CEP63: variants seen among roughly 807,000 people sequenced by gnomAD.
CEP63 encodes centrosomal protein of 63 kDa.
In CEP63, 84 loss-of-function variants were observed where a neutral mutation model predicts 89.1. That is an observed-to-expected ratio of 0.94 (90% CI 0.79 to 1.13). CEP63 has a LOEUF of 1.13. CEP63 is among the 50% of genes most tolerant of loss of function. The pLI is 0.00. For synonymous variants in CEP63, 267 were observed against 272.5 expected (o/e 0.98, Z 0.20); for missense variants, 838 against 813.3 (o/e 1.03, Z -0.37).
intron 3 of CEP63, among the ~76,000 whole-genome samples, chr3:134,513,235 T>C (rs1347549210): frequency 6.6e-6 from 1 of 152,230 alleles, no homozygotes; most frequent in African/African-American, 2.4e-5. Context: ...ACCATATTTA[T>C]ATGTTTACAT....
chr3:134,633,974 A>C, the CEP63 span, among the ~76,000 whole-genome samples: 1 of 152,222 alleles, frequency 6.6e-6, no homozygotes, highest in Non-Finnish European at 1.5e-5. Flanking sequence ...AAGCAATTGG[A>C]GATGGCATTT....
chr3:134,689,446 TTA>T, the CEP63 span, among the ~76,000 whole-genome samples: 2 of 150,848 alleles, frequency 1.3e-5, no homozygotes, highest in African/African-American at 2.4e-5. Context: ...ACCTTATTTA[TTA>T]TTATTATTAT....
chr3:134,536,427 A>G (rs1950787992), intron 5 of CEP63: 1 of 153,136 alleles, frequency 6.5e-6, no homozygotes, highest in Non-Finnish European at 1.5e-5. Flanking sequence ...AGTGATAGAA[A>G]GATTGAGTTT....
At chr3:134,698,097 C>G in the CEP63 span, among the ~76,000 whole-genome samples, 1 of 152,230 alleles carries the variant, frequency 6.6e-6, no homozygotes, top group Admixed American at 6.5e-5. Context: ...GATACCCCGC[C>G]AACCTGACAC....
At chr3:134,526,434 C>T (rs187546738) in intron 3 of CEP63, among the ~76,000 whole-genome samples, 26 of 152,168 alleles carry the variant, frequency 1.7e-4, no homozygotes, top group African/African-American at 6.3e-4. Context: ...TTGTAGTGTG[C>T]TTTTCAGCTC....
At chr3:134,709,661 C>CAATTCTCATAA in the CEP63 span, among the ~76,000 whole-genome samples, 1 of 152,208 alleles carries the variant, frequency 6.6e-6, no homozygotes, top group Non-Finnish European at 1.5e-5. Flanking sequence ...CAGTGCAGCA[C>CAATTCTCATAA]TTGCTCATAA....
intron 4 of CEP63, 113 bp from the exon 5 acceptor site, chr3:134,532,665 A>G (rs923281470): frequency 5.4e-6 from 4 of 746,704 alleles, no homozygotes; most frequent in African/African-American, 5.3e-5. Flanking sequence ...GAAATCTAAC[A>G]TGTTCTCAGT....
the CEP63 span, chr3:134,619,282 G>A: frequency 1.3e-6 from 2 of 1,594,030 alleles, no homozygotes; most frequent in East Asian, 2.2e-5. Flanking sequence ...GGCAGGTGAG[G>A]GGATCATGAA....
chr3:134,653,531 A>G, the CEP63 span, among the ~76,000 whole-genome samples: 1 of 151,970 alleles, frequency 6.6e-6, no homozygotes, highest in Non-Finnish European at 1.5e-5. Flanking sequence ...CTTAATGCCA[A>G]CTCTATTCCC....
intron 2 of CEP63, among the ~76,000 whole-genome samples, chr3:134,501,659 G>A (rs1559878194): frequency 6.6e-6 from 1 of 152,098 alleles, no homozygotes; most frequent in African/African-American, 2.4e-5. Flanking sequence ...AAATGCTGCT[G>A]ATTTTTGTAC....
the CEP63 span, among the ~76,000 whole-genome samples, chr3:134,706,363 T>G: frequency 6.6e-6 from 1 of 152,172 alleles, no homozygotes; most frequent in African/African-American, 2.4e-5. Context: ...GTCATTTTAC[T>G]TATACAGGTC....
chr3:134,529,868 A>ATTTTTT (rs58922185), intron 3 of CEP63, among the ~76,000 whole-genome samples: 4 of 103,150 alleles, frequency 3.9e-5, no homozygotes, highest in Admixed American at 1.2e-4. Flanking sequence ...AGGTTAAGAA[A>ATTTTTT]TTTTTTTTTT....
intron 3 of CEP63, among the ~76,000 whole-genome samples, chr3:134,530,165 G>A (rs748850606): frequency 1.4e-4 from 21 of 152,198 alleles, no homozygotes; most frequent in Non-Finnish European, 2.6e-4. Context: ...GAGCCACCGC[G>A]CCCAACAAGG....
chr3:134,701,728 G>T, the CEP63 span, among the ~76,000 whole-genome samples: 86 of 152,110 alleles, frequency 5.7e-4, 1 homozygote, highest in African/African-American at 1.9e-3. Context: ...CCTGGCCAGG[G>T]CAATCAGGCA....
chr3:134,733,705 A>G, the CEP63 span, among the ~76,000 whole-genome samples: 1 of 151,450 alleles, frequency 6.6e-6, no homozygotes, highest in African/African-American at 2.5e-5. Context: ...TTGCCAGCAA[A>G]GCACCAGAAG....
chr3:134,658,859 C>A, the CEP63 span, among the ~76,000 whole-genome samples: 2 of 152,210 alleles, frequency 1.3e-5, no homozygotes, highest in African/African-American at 4.8e-5. Context: ...GAGTCATAAG[C>A]CACGATTCAT....
At chr3:134,624,269 A>G in the CEP63 span, among the ~76,000 whole-genome samples, 1 of 152,066 alleles carries the variant, frequency 6.6e-6, no homozygotes, top group South Asian at 2.1e-4. Flanking sequence ...TGTTTCCTCA[A>G]TGTCTCCACT....
intron 2 of CEP63, among the ~76,000 whole-genome samples, chr3:134,500,906 C>A (rs1187673355): frequency 6.6e-6 from 1 of 152,046 alleles, no homozygotes; most frequent in African/African-American, 2.4e-5. Flanking sequence ...GTCATAAATT[C>A]TCTGCCTAGG....
At chr3:134,738,643 A>G in the CEP63 span, among the ~76,000 whole-genome samples, 1 of 152,166 alleles carries the variant, frequency 6.6e-6, no homozygotes, top group Admixed American at 6.5e-5. Context: ...GGCAAGGGAT[A>G]AAAGACTACA....
Sources: allele counts gnomAD v4.1 joint callset (sites outside exome capture counted in the v4.1 genomes callset), GRCh38; gene constraint gnomAD v4.1.1; transcripts MANE v1.5; gene names NCBI Gene and HGNC (gene_info 2026-07-23, HGNC 2026-07-21).